Variants in STARD3NL observed in about 807,000 individuals in gnomAD.
STARD3NL encodes the protein STARD3 N-terminal-like protein.
In STARD3NL, 17 loss-of-function variants were observed where a neutral mutation model predicts 30.9. That is an observed-to-expected ratio of 0.55 (90% CI 0.38 to 0.82). The LOEUF (loss-of-function observed/expected upper bound fraction) is 0.82, where lower values mean the gene tolerates loss of function less well. Among genes scored for constraint, STARD3NL ranks in the 40% least tolerant of loss-of-function variants. The pLI is 0.00. For synonymous variants in STARD3NL, 112 were observed against 100.5 expected (o/e 1.11, Z -0.69); for missense variants, 234 against 277.6 (o/e 0.84, Z 1.12).
chr7:38,179,386 A>G (rs370444283), intron 1 of STARD3NL, among the ~76,000 whole-genome samples: 55 of 152,376 alleles, frequency 3.6e-4, no homozygotes, highest in Middle Eastern at 3.4e-3. Context: ...GTTGTCGTGT[A>G]GAAGTCACTG....
intron 7 of STARD3NL, among the ~76,000 whole-genome samples, chr7:38,228,564 A>G (rs1348468664): frequency 2.0e-5 from 3 of 152,254 alleles, no homozygotes; most frequent in African/African-American, 4.8e-5. Context: ...TTAGTACATA[A>G]GTGAAATCCA....
At position 38,207,670 on chromosome 7, in the gene STARD3NL, T is replaced by C; in HGVS notation, c.166T>C (p.Cys56Arg). 1 of 1,614,118 alleles carries C rather than the reference T, an allele frequency of 6.2e-7. No individual in the cohort carries two copies. Among genetic ancestry groups the C allele is most frequent in the Non-Finnish European group, 8.5e-7 (1 of 1,179,956 alleles). The change falls in exon 2 of 9, where the codon TGT (cysteine) becomes CGT (arginine). Residue 56 changes from cysteine (C) to arginine (R), a missense_variant. Transcript: ENST00000009041. Reference sequence around the variant, plus strand: ...CATATCTGATGTCAGGAGGACTTTCTGTTTGTTTGTCACCTTTGACCTCTT... The same window carrying C: ...CATATCTGATGTCAGGAGGACTTTCCGTTTGTTTGTCACCTTTGACCTCTT... ...KGISDVRRTF[C>R]LFVTFDLLFV...
intron 2 of STARD3NL, among the ~76,000 whole-genome samples, chr7:38,209,963 G>T (rs1445050980): frequency 6.6e-6 from 1 of 152,204 alleles, no homozygotes; most frequent in East Asian, 1.9e-4. Context: ...AAAATTAAAA[G>T]ATTGGAAAAG....
At position 38,217,086 on chromosome 7, in the gene STARD3NL, CT is replaced by C. The variant is rs746356315; in HGVS notation, c.435+9del. 2 of 1,614,068 alleles carry C rather than the reference CT, an allele frequency of 1.2e-6. No homozygotes were observed. The highest frequency in any genetic ancestry group is 1.7e-6 in the Non-Finnish European group (2 of 1,179,956). On this transcript the variant is annotated intron_variant, in intron 5 of 8. Transcript: ENST00000009041. ...AAAGTGATCCTTTCGAAGGTATGGC[CT>C]ACCACTTTTTCTATACAGTTACCAT...
chr7:38,210,835 C>T (rs150919505), intron 2 of STARD3NL, among the ~76,000 whole-genome samples: 25 of 152,300 alleles, frequency 1.6e-4, no homozygotes, highest in African/African-American at 6.0e-4. Flanking sequence ...TTTTTTCTTA[C>T]TATTTTCTAA....
At chr7:38,195,642 A>T (rs1352711132) in intron 1 of STARD3NL, among the ~76,000 whole-genome samples, 2 of 152,232 alleles carry the variant, frequency 1.3e-5, no homozygotes, top group African/African-American at 4.8e-5. Flanking sequence ...AGTTAAGGAA[A>T]ATTATTGATA....
intron 7 of STARD3NL, among the ~76,000 whole-genome samples, chr7:38,221,476 C>G (rs1050187224): frequency 9.9e-5 from 15 of 152,080 alleles, no homozygotes; most frequent in African/African-American, 3.1e-4. Context: ...AGTGCCTCCA[C>G]TCTGTGATGT....
chr7:38,214,684 TGTTG>T (rs1426545806), intron 3 of STARD3NL, among the ~76,000 whole-genome samples: 9 of 152,354 alleles, frequency 5.9e-5, no homozygotes, highest in Non-Finnish European at 1.3e-4. Context: ...CCTATTTTCT[TGTTG>T]GAGAGCCTTT....
intron 1 of STARD3NL, among the ~76,000 whole-genome samples, chr7:38,197,964 C>A (rs1785001664): frequency 6.6e-6 from 1 of 152,204 alleles, no homozygotes; most frequent in African/African-American, 2.4e-5. Context: ...AGTGGGGGGC[C>A]TTGCAAGACA....
intron 7 of STARD3NL, among the ~76,000 whole-genome samples, chr7:38,224,552 A>G (rs1379632547): frequency 6.6e-6 from 1 of 152,178 alleles, no homozygotes; most frequent in African/African-American, 2.4e-5. Flanking sequence ...TCTGAGTAGC[A>G]TGATGAAATC....
intron 1 of STARD3NL, among the ~76,000 whole-genome samples, chr7:38,192,814 A>C (rs991827260): frequency 6.6e-6 from 1 of 152,210 alleles, no homozygotes; most frequent in Non-Finnish European, 1.5e-5. Context: ...ACTGATAAAT[A>C]TAAGTCTGCC....
chr7:38,215,138 T>C, intron 4 of STARD3NL, 33 bp downstream of exon 4: 1 of 1,602,240 alleles, frequency 6.2e-7, no homozygotes, highest in Non-Finnish European at 8.5e-7. Flanking sequence ...GGTCATCTCC[T>C]CCAGTGCTGG....
chr7:38,200,243 C>G (rs2116135695), intron 1 of STARD3NL, among the ~76,000 whole-genome samples: 1 of 152,258 alleles, frequency 6.6e-6, no homozygotes, highest in South Asian at 2.1e-4. Flanking sequence ...AAAGCCCCCA[C>G]CCCAGACTGC....
At chr7:38,216,566 C>T (rs1399797949) in intron 4 of STARD3NL, 1 of 160,074 alleles carries the variant, frequency 6.2e-6, no homozygotes, top group African/African-American at 2.4e-5. Flanking sequence ...TTCTGTCAGT[C>T]AAGCTACTAT....
chr7:38,185,046 C>A (rs1397466754), intron 1 of STARD3NL, among the ~76,000 whole-genome samples: 1 of 151,864 alleles, frequency 6.6e-6, no homozygotes, highest in East Asian at 1.9e-4. Flanking sequence ...CTGTAAAGCA[C>A]ACTTTATTTT....
intron 1 of STARD3NL, among the ~76,000 whole-genome samples, chr7:38,196,054 C>G (rs1217889088): frequency 1.3e-5 from 2 of 152,210 alleles, no homozygotes; most frequent in Non-Finnish European, 2.9e-5. Flanking sequence ...GCAGTGAACA[C>G]CTTAACTGCC....
intron 1 of STARD3NL, among the ~76,000 whole-genome samples, chr7:38,179,678 T>C (rs1297405973): frequency 1.3e-5 from 2 of 152,192 alleles, no homozygotes; most frequent in African/African-American, 4.8e-5. Context: ...GAGAATATAA[T>C]AAACATGTAA....
At chr7:38,206,419 A>G (rs975320610) in intron 1 of STARD3NL, among the ~76,000 whole-genome samples, 4 of 152,200 alleles carry the variant, frequency 2.6e-5, no homozygotes, top group African/African-American at 9.6e-5. Flanking sequence ...CCTACAGGAA[A>G]GGAAACTAGG....
At chr7:38,202,639 A>G (rs1323541137) in intron 1 of STARD3NL, among the ~76,000 whole-genome samples, 1 of 151,924 alleles carries the variant, frequency 6.6e-6, no homozygotes, top group African/African-American at 2.4e-5. Context: ...TTAGTTACAT[A>G]TGTATACATG....
Sources: gnomAD v4.1 joint callset for allele counts (sites outside exome capture counted in the v4.1 genomes callset) on GRCh38, gnomAD v4.1.1 for gene constraint, MANE v1.5 for transcripts, NCBI Gene and HGNC (gene_info 2026-07-23, HGNC 2026-07-21) for gene names.